WWOX: variants seen among roughly 807,000 people sequenced by gnomAD.
The protein encoded by WWOX is WW domain containing oxidoreductase.
A neutral mutation model predicts 46.2 loss-of-function variants in WWOX; 69 were observed. That is an observed-to-expected ratio of 1.49 (90% confidence interval 1.23 to 1.82). The LOEUF is 1.82. WWOX is among the 40% of genes most tolerant of loss of function. The pLI, the probability that WWOX is intolerant of heterozygous loss-of-function variation, is 0.00. For synonymous variants in WWOX, 359 were observed against 202.6 expected, an observed-to-expected ratio of 1.77 and a Z score of -6.56; for missense variants, 919 against 542.6, an observed-to-expected ratio of 1.69 and a Z score of -6.89.
intron 5 of WWOX, chr16:78,168,076 A>T (rs1221447098): frequency 6.6e-6 from 1 of 152,172 alleles, no homozygotes; most frequent in Non-Finnish European, 1.5e-5. Context: ...AGGCTCTCAA[A>T]ATGATCCAAA....
chr16:78,445,240 A>C (rs974035449), intron 8 of WWOX, among the ~76,000 whole-genome samples: 15 of 152,126 alleles, frequency 9.9e-5, no homozygotes, highest in African/African-American at 3.4e-4. Flanking sequence ...TACCCCATCT[A>C]TTTCCACAAA....
chr16:78,946,909 G>A (rs1225606691), intron 8 of WWOX, among the ~76,000 whole-genome samples: 1 of 152,132 alleles, frequency 6.6e-6, no homozygotes, highest in African/African-American at 2.4e-5. Context: ...AGAGTCAGTA[G>A]GATAGTTTCC....
At chr16:78,861,459 T>C (rs1417749487) in intron 8 of WWOX, among the ~76,000 whole-genome samples, 1 of 152,204 alleles carries the variant, frequency 6.6e-6, no homozygotes, top group African/African-American at 2.4e-5. Flanking sequence ...AATTATTACA[T>C]GTGGCCATTG....
chr16:79,209,839 C>T (rs2051656282), intron 8 of WWOX, among the ~76,000 whole-genome samples: 1 of 152,144 alleles, frequency 6.6e-6, no homozygotes, highest in Non-Finnish European at 1.5e-5. Flanking sequence ...GTGCCAGGTG[C>T]TAAGCTCAGG....
At chr16:78,535,791 A>G (rs1055835413) in intron 8 of WWOX, 1 of 152,206 alleles carries the variant, frequency 6.6e-6, no homozygotes, top group Non-Finnish European at 1.5e-5. Flanking sequence ...GAGAGAAGGA[A>G]GAGAGAACCA....
intron 8 of WWOX, among the ~76,000 whole-genome samples, chr16:79,138,097 T>C (rs957413533): frequency 6.6e-6 from 1 of 152,284 alleles, no homozygotes; most frequent in South Asian, 2.1e-4. Context: ...AGCCCTGTGA[T>C]CCACAGCAGG....
chr16:78,699,839 C>A (rs1239402282), intron 8 of WWOX, among the ~76,000 whole-genome samples: 1 of 152,104 alleles, frequency 6.6e-6, no homozygotes, highest in African/African-American at 2.4e-5. Context: ...CATGTAATAT[C>A]AGGGTATTTC....
chr16:78,845,927 T>A (rs2151174266), intron 8 of WWOX, among the ~76,000 whole-genome samples: 1 of 152,264 alleles, frequency 6.6e-6, no homozygotes, highest in East Asian at 1.9e-4. Context: ...TATGCCTAAT[T>A]GTGCCACCAG....
At chr16:78,830,882 C>G (rs1430216656) in intron 8 of WWOX, among the ~76,000 whole-genome samples, 4 of 152,226 alleles carry the variant, frequency 2.6e-5, no homozygotes, top group South Asian at 2.1e-4. Flanking sequence ...TCCTTACCCT[C>G]TATAGCCATC....
intron 4 of WWOX, among the ~76,000 whole-genome samples, chr16:78,147,391 A>G (rs1179995671): frequency 6.6e-6 from 1 of 151,876 alleles, no homozygotes; most frequent in Non-Finnish European, 1.5e-5. Context: ...AGTTAATGGA[A>G]CTCTGGCCGT....
At chr16:78,992,768 A>G (rs2151349701) in intron 8 of WWOX, among the ~76,000 whole-genome samples, 1 of 152,280 alleles carries the variant, frequency 6.6e-6, no homozygotes, top group South Asian at 2.1e-4. Flanking sequence ...TCCCGGAGGA[A>G]AGTGTCCTCT....
chr16:79,022,995 T>G (rs537790694), intron 8 of WWOX, among the ~76,000 whole-genome samples: 1 of 152,150 alleles, frequency 6.6e-6, no homozygotes, highest in South Asian at 2.1e-4. Context: ...GTAAATAGAG[T>G]TTAGCGTGGT....
intron 5 of WWOX, among the ~76,000 whole-genome samples, chr16:78,189,675 G>A (rs991864720): frequency 6.6e-6 from 1 of 152,012 alleles, no homozygotes; most frequent in Non-Finnish European, 1.5e-5. Context: ...TTATTTTTGA[G>A]TTGGAGTCTT....
intron 1 of WWOX, among the ~76,000 whole-genome samples, chr16:78,101,293 C>A (rs760957929): frequency 1.4e-5 from 2 of 144,840 alleles, no homozygotes; most frequent in Non-Finnish European, 3.0e-5. Flanking sequence ...GTGATCCTCC[C>A]GCCTCGGCCT....
At chr16:78,409,644 CA>C (rs2082629747) in intron 6 of WWOX, among the ~76,000 whole-genome samples, 1 of 152,150 alleles carries the variant, frequency 6.6e-6, no homozygotes, top group African/African-American at 2.4e-5. Flanking sequence ...GCTTAAAACC[CA>C]AAGCTATTAT....
intron 8 of WWOX, among the ~76,000 whole-genome samples, chr16:78,444,329 A>T (rs1023755720): frequency 6.6e-6 from 1 of 152,136 alleles, no homozygotes; most frequent in African/African-American, 2.4e-5. Flanking sequence ...AAAATGAATC[A>T]GTTAACCAAG....
At chr16:78,268,237 CT>C (rs1192268302) in intron 5 of WWOX, among the ~76,000 whole-genome samples, 3 of 151,768 alleles carry the variant, frequency 2.0e-5, no homozygotes, top group Admixed American at 2.0e-4. Context: ...TATAGTATTC[CT>C]TAAAAAAAAA....
chr16:79,031,048 G>C (rs1226872530), intron 8 of WWOX, among the ~76,000 whole-genome samples: 1 of 148,010 alleles, frequency 6.8e-6, no homozygotes, highest in African/African-American at 2.5e-5. Flanking sequence ...AGCCGAGATC[G>C]AGTCACTGCA....
At chr16:78,581,362 T>G (rs886152757) in intron 8 of WWOX, among the ~76,000 whole-genome samples, 3 of 152,212 alleles carry the variant, frequency 2.0e-5, no homozygotes, top group African/African-American at 7.2e-5. Context: ...TGCTGTACCC[T>G]TTTTCATATG....
Sources: gnomAD v4.1 joint callset for allele counts (sites outside exome capture counted in the v4.1 genomes callset) on GRCh38, gnomAD v4.1.1 for gene constraint, MANE v1.5 for transcripts, NCBI Gene and HGNC (gene_info 2026-07-23, HGNC 2026-07-21) for gene names.